CDH13: variants seen among roughly 807,000 people sequenced by gnomAD.
CDH13 encodes the protein cadherin-13.
In CDH13, 24 loss-of-function variants were observed where a neutral mutation model predicts 63.8. The observed-to-expected ratio is 0.38, with a 90% CI of 0.27 to 0.53. The LOEUF is 0.53. Among genes scored for constraint, CDH13 ranks in the 20% least tolerant of loss-of-function variants. The pLI, the probability that CDH13 is intolerant of heterozygous loss-of-function variation, is 0.85. For synonymous variants in CDH13, 503 were observed against 355.3 expected, an observed-to-expected ratio of 1.42 and a Z score of -4.67; for missense variants, 1,049 against 903.1, an observed-to-expected ratio of 1.16 and a Z score of -2.07.
chr16:83,303,332 G>A (rs767136495), intron 5 of CDH13, among the ~76,000 whole-genome samples: 4 of 152,192 alleles, frequency 2.6e-5, no homozygotes, highest in Admixed American at 6.5e-5. Context: ...TAACCCAGTA[G>A]GTCCAGATGC....
chr16:83,098,056 G>T (rs2034292736), intron 3 of CDH13, among the ~76,000 whole-genome samples: 1 of 152,132 alleles, frequency 6.6e-6, no homozygotes, highest in South Asian at 2.1e-4. Flanking sequence ...GATACTATTG[G>T]GATGGTCCAG....
chr16:82,826,188 C>G (rs544149171), intron 1 of CDH13: 1 of 152,280 alleles, frequency 6.6e-6, no homozygotes, highest in Non-Finnish European at 1.5e-5. Flanking sequence ...TGTCTACTAA[C>G]AGGAGATGCC....
At chr16:83,375,241 G>T (rs1302341122) in intron 6 of CDH13, among the ~76,000 whole-genome samples, 3 of 152,176 alleles carry the variant, frequency 2.0e-5, no homozygotes, top group African/African-American at 7.2e-5. Context: ...TGGTTAATTA[G>T]AAATAATCAT....
intron 4 of CDH13, among the ~76,000 whole-genome samples, chr16:83,184,906 TGC>T (rs1555509488): frequency 2.1e-5 from 3 of 144,842 alleles, no homozygotes; most frequent in Non-Finnish European, 3.0e-5. Context: ...TGTGTGTGTG[TGC>T]GTGTGTGTGT....
At chr16:83,439,568 G>A (rs2072423088) in intron 6 of CDH13, among the ~76,000 whole-genome samples, 1 of 152,232 alleles carries the variant, frequency 6.6e-6, no homozygotes, top group Non-Finnish European at 1.5e-5. Flanking sequence ...GACAGCCTAG[G>A]GTGAGGCTAC....
chr16:83,567,187 C>G lies in CDH13; in HGVS notation c.961-35267C>G, dbSNP rs1333149099. The stretch of plus-strand genomic sequence containing the variant: ...TTAGCTGCCACTCTTCTGGGCTTTC[C>G]CAGTGCCCAGTCATGGCTCTCATCA... On this transcript the variant is annotated intron_variant, in intron 7 of 13. Coordinates refer to ENST00000567109, the MANE Select transcript of CDH13 (RefSeq NM_001257.5). 2.0e-5 allele frequency among the ~76,000 whole-genome samples: 3 copies of G among 152,242 alleles called. No individual in the cohort carries two copies. In the East Asian group the frequency reaches 5.8e-4, roughly 29 times the overall value.
intron 2 of CDH13, among the ~76,000 whole-genome samples, chr16:82,938,551 G>T (rs1597252546): frequency 6.6e-6 from 1 of 152,304 alleles, no homozygotes; most frequent in African/African-American, 2.4e-5. Flanking sequence ...GGGGCCTTCT[G>T]AGAGGCCACC....
intron 1 of CDH13, among the ~76,000 whole-genome samples, chr16:82,720,776 C>A (rs2032721811): frequency 6.6e-6 from 1 of 152,060 alleles, no homozygotes; most frequent in South Asian, 2.1e-4. Context: ...GCCAGGTCTT[C>A]CTGCATTGTT....
intron 8 of CDH13, among the ~76,000 whole-genome samples, chr16:83,604,171 A>G (rs74035214): frequency 0.014 from 2,193 of 152,222 alleles, 56 homozygotes; most frequent in African/African-American, 0.05. Flanking sequence ...TGGCTCACTC[A>G]GGAGGTAGAC....
chr16:82,698,397 T>G (rs367876174), intron 1 of CDH13, among the ~76,000 whole-genome samples: 1 of 152,226 alleles, frequency 6.6e-6, no homozygotes. Flanking sequence ...ATCAGGTAGC[T>G]TTTGCTCTGT....
intron 1 of CDH13, among the ~76,000 whole-genome samples, chr16:82,782,768 C>T (rs141491253): frequency 2.5e-4 from 38 of 152,272 alleles, no homozygotes; most frequent in African/African-American, 8.9e-4. Context: ...TTCTGTCTGC[C>T]TTACTCCCGC....
intron 4 of CDH13, among the ~76,000 whole-genome samples, chr16:83,132,228 C>G (rs1032465782): frequency 1.3e-5 from 2 of 152,058 alleles, no homozygotes; most frequent in African/African-American, 4.8e-5. Context: ...TCTCCATCAC[C>G]CCTCTCCTGA....
At chr16:83,379,104 A>G (rs2151413659) in intron 6 of CDH13, among the ~76,000 whole-genome samples, 1 of 152,190 alleles carries the variant, frequency 6.6e-6, no homozygotes, top group South Asian at 2.1e-4. Context: ...ACCCCATGGG[A>G]AGAATACAAT....
At chr16:83,479,278 G>A (rs2073696428) in intron 6 of CDH13, among the ~76,000 whole-genome samples, 1 of 152,146 alleles carries the variant, frequency 6.6e-6, no homozygotes, top group Non-Finnish European at 1.5e-5. Flanking sequence ...TAAGTGGTTG[G>A]GTCCCACAAG....
At chr16:83,493,829 A>C (rs1286948833) in intron 7 of CDH13, among the ~76,000 whole-genome samples, 1 of 152,232 alleles carries the variant, frequency 6.6e-6, no homozygotes, top group Admixed American at 6.5e-5. Flanking sequence ...GTTAAGCTAA[A>C]GGAGAGATCG....
In CDH13 at chr16:82,648,889, A is replaced by G. The variant is rs572397233; in HGVS notation, c.45+21752A>G. On this transcript the variant is annotated intron_variant, in intron 1 of 13. Transcript: ENST00000567109. ...GGCAGTGTGGAAGATGGATTGAATC[A>G]GGAAACACCCAAGGTGAGAAGTCCA... 2.0e-5 allele frequency among the ~76,000 whole-genome samples: 3 copies of G among 152,350 alleles called. No individual in the cohort carries two copies. The South Asian group carries it at 6.2e-4, about 32-fold the overall frequency.
intron 10 of CDH13, among the ~76,000 whole-genome samples, chr16:83,730,709 T>G (rs2150950869): frequency 6.6e-6 from 1 of 152,324 alleles, no homozygotes; most frequent in African/African-American, 2.4e-5. Context: ...TGGGCAGGTT[T>G]ATTACCTGGG....
intron 7 of CDH13, among the ~76,000 whole-genome samples, chr16:83,556,124 T>C (rs183099345): frequency 1.9e-4 from 29 of 152,196 alleles, no homozygotes; most frequent in African/African-American, 6.7e-4. Flanking sequence ...TAGTCTTTCA[T>C]GTTGTGTCTG....
At chr16:83,287,327 A>G (rs184407709) in intron 5 of CDH13, among the ~76,000 whole-genome samples, 8 of 152,344 alleles carry the variant, frequency 5.3e-5, no homozygotes, top group African/African-American at 1.7e-4. Flanking sequence ...CACGGGCCAC[A>G]GGCCAGTACT....
Sources: gnomAD v4.1 joint callset for allele counts (sites outside exome capture counted in the v4.1 genomes callset) on GRCh38, gnomAD v4.1.1 for gene constraint, MANE v1.5 for transcripts, NCBI Gene and HGNC (gene_info 2026-07-23, HGNC 2026-07-21) for gene names.